The following MTMR3 variants were observed in gnomAD, a reference collection of about 807,000 sequenced individuals.
The protein encoded by MTMR3 is myotubularin related protein 3, also known as phosphatidylinositol-3,5-bisphosphate 3-phosphatase MTMR3.
MTMR3 carries 32 observed loss-of-function variants against 132.4 expected under a neutral mutation model. The observed-to-expected ratio is 0.24, with a 90% CI of 0.18 to 0.32. MTMR3 has a LOEUF of 0.32. Ranked by LOEUF, MTMR3 falls within the 10% of genes least tolerant of loss-of-function variation. The pLI, the probability that MTMR3 is intolerant of heterozygous loss-of-function variation, is 1.00. For missense variants in MTMR3, 1,216 were observed against 1,489.6 expected (o/e 0.82, Z 3.02); for synonymous variants, 556 against 550.3 (o/e 1.01, Z -0.14).
chr22:29,922,891 T>G (rs559667724), intron 1 of MTMR3, among the ~76,000 whole-genome samples: 9 of 121,306 alleles, frequency 7.4e-5, no homozygotes, highest in African/African-American at 4.3e-4. Flanking sequence ...GTGACTAGTG[T>G]TTTTTTTTTT....
intron 2 of MTMR3, among the ~76,000 whole-genome samples, chr22:29,970,118 C>G (rs1245152656): frequency 6.6e-6 from 1 of 152,082 alleles, no homozygotes; most frequent in Non-Finnish European, 1.5e-5. Flanking sequence ...ATTCTTTCCC[C>G]CTTTTTTGTT....
chr22:29,920,956 A>C (rs956578694), intron 1 of MTMR3, among the ~76,000 whole-genome samples: 2 of 113,672 alleles, frequency 1.8e-5, no homozygotes, highest in African/African-American at 3.3e-5. Flanking sequence ...TATGACAAAA[A>C]TGCCAGGTTT....
intron 2 of MTMR3, among the ~76,000 whole-genome samples, chr22:29,964,919 C>T (rs1413723653): frequency 6.6e-6 from 1 of 152,116 alleles, no homozygotes; most frequent in East Asian, 1.9e-4. Context: ...ACTCTTCTTT[C>T]TGATTCGGTA....
In MTMR3 at chr22:30,016,657, A is replaced by G. The variant is rs1343414314; in HGVS notation, c.1633A>G (p.Lys545Glu). 3 of 1,614,168 alleles carry G rather than the reference A, an allele frequency of 1.9e-6. No individual in the cohort carries two copies. The highest frequency in any genetic ancestry group is 2.5e-6 in the Non-Finnish European group (3 of 1,180,000). ...GTGGTCACTTCTTCGGGCAGGCAACAAGGCTTTCAAAAACCTACTGTATTC... is the reference window on the plus strand; with the variant it reads ...GTGGTCACTTCTTCGGGCAGGCAACGAGGCTTTCAAAAACCTACTGTATTC... Reference protein sequence around the residue: ...SVWSLLRAGNKAFKNLLYSSQ... With the variant: ...SVWSLLRAGNEAFKNLLYSSQ... Residue 545 changes from lysine (K) to glutamate (E), a missense_variant, in exon 15 of 20, where the codon AAG becomes GAG. Coordinates refer to ENST00000401950, the MANE Select transcript of MTMR3 (RefSeq NM_021090.4).
chr22:29,899,869 A>G (rs1330861423), intron 1 of MTMR3, among the ~76,000 whole-genome samples: 2 of 152,218 alleles, frequency 1.3e-5, no homozygotes, highest in Non-Finnish European at 2.9e-5. Flanking sequence ...ATCATCGAGT[A>G]GTAGACTTAG....
Position 30,018,064 on chromosome 22 carries a change from C to G in MTMR3, c.1812C>G (p.Pro604=), listed in dbSNP as rs146606152. 25 of 1,607,714 alleles carry G rather than the reference C, an allele frequency of 1.6e-5. No homozygotes were observed. The highest frequency in any genetic ancestry group is 1.2e-4 in the Admixed American group (7 of 57,850). Residue 604 remains proline (P), a synonymous_variant, in exon 16 of 20, where the codon CCC becomes CCG. Coordinates refer to ENST00000401950, the MANE Select transcript of MTMR3 (RefSeq NM_021090.4). ...PAPGTSPDDP[P]LSRLPKTRSY... Reference sequence around the variant, plus strand: ...CAGGCACCAGCCCTGATGATCCCCCCCTGAGCCGGTGAGCCCAGGGTGATG... The same window carrying G: ...CAGGCACCAGCCCTGATGATCCCCCGCTGAGCCGGTGAGCCCAGGGTGATG...
At chr22:29,954,577 A>C (rs1206965968) in intron 1 of MTMR3, among the ~76,000 whole-genome samples, 2 of 152,220 alleles carry the variant, frequency 1.3e-5, no homozygotes, top group Non-Finnish European at 1.5e-5. Context: ...CGTTTGGTCC[A>C]TCTCTTGGAA....
intron 1 of MTMR3, among the ~76,000 whole-genome samples, chr22:29,926,169 A>G (rs1238228951): frequency 6.6e-6 from 1 of 152,018 alleles, no homozygotes; most frequent in East Asian, 1.9e-4. Flanking sequence ...GGCTGCTTTC[A>G]TTTAGCATGA....
At chr22:30,023,645 G>A (rs1207234857) in intron 19 of MTMR3, 1 of 821,766 alleles carries the variant, frequency 1.2e-6, no homozygotes, top group Admixed American at 2.0e-5. Context: ...AGCAGCTGAG[G>A]AGAGGCCATC....
At chr22:30,022,378 TCA>T (rs2067784218) in intron 18 of MTMR3, 6 of 607,630 alleles carry the variant, frequency 9.9e-6, no homozygotes, top group Non-Finnish European at 1.8e-5. Context: ...TTGCCAGCTC[TCA>T]CAGTGACCCA....
At chr22:29,968,053 T>C (rs2066464377) in intron 2 of MTMR3, among the ~76,000 whole-genome samples, 3 of 152,208 alleles carry the variant, frequency 2.0e-5, no homozygotes, top group African/African-American at 4.8e-5. Context: ...GTTACGAAAA[T>C]TTGTGTAGAA....
rs578137619 is a variant in MTMR3, at chr22:30,020,929, C to A, written c.3225+45C>A. ...CCTCCATAGCTGCCCAAGGAGACGG[C>A]ATGCTGAGGCTGGGTGCCCTTTGTG... On this transcript the variant is annotated intron_variant, in intron 17 of 19. Transcript: ENST00000401950. 1.6e-5 allele frequency: 24 copies of A among 1,510,230 alleles called. No individual in the cohort carries two copies. In the South Asian group the frequency reaches 2.4e-4, roughly 15 times the overall value. 93.6% of individuals were successfully genotyped at this position (1,510,230 alleles called of 1,614,324 possible). A position where few individuals can be genotyped will look rare whatever the true frequency, so the allele number is the denominator to read the frequency against.
chr22:30,021,991 C>A (rs758734538), intron 17 of MTMR3, 38 bp from the exon 18 acceptor site: 1 of 1,517,094 alleles, frequency 6.6e-7, no homozygotes, highest in South Asian at 1.1e-5. Flanking sequence ...GGGAGGAGAC[C>A]AGGTTCATTC....
chr22:29,948,317 G>C (rs1399270062), intron 1 of MTMR3, among the ~76,000 whole-genome samples: 2 of 152,202 alleles, frequency 1.3e-5, no homozygotes, highest in Non-Finnish European at 2.9e-5. Context: ...GCATAAAACT[G>C]TGTGGCAGGC....
rs12537 is a variant in MTMR3, at chr22:30,027,471, C to T, written c.*1670C>T. The stretch of plus-strand genomic sequence containing the variant: ...ACTTCCAGTGGCAACACAGTTTGAA[C>T]GTGGTGAAACAGGGTGTAGTTCTTT... On this transcript the variant is annotated 3_prime_UTR_variant, in exon 20 of 20. Coordinates refer to ENST00000401950, the MANE Select transcript of MTMR3 (RefSeq NM_021090.4). 61,228 of 152,638 alleles carry T rather than the reference C, an allele frequency of 0.4. 12,551 individuals are homozygous for T. The highest frequency in any genetic ancestry group is 0.46 in the Admixed American group (7,083 of 15,282). The allele number at this position is 152,638 out of a possible 1,614,324, so 9.5% of individuals were successfully genotyped here.
intron 12 of MTMR3, chr22:30,012,109 G>A: frequency 2.8e-6 from 1 of 355,088 alleles, no homozygotes; most frequent in South Asian, 4.7e-5. Context: ...TTTGCCCGGG[G>A]AATCATCCAT....
chr22:29,952,408 G>GTT (rs774402274), intron 1 of MTMR3, among the ~76,000 whole-genome samples: 1 of 119,792 alleles, frequency 8.3e-6, no homozygotes, highest in Admixed American at 7.8e-5. Context: ...GTGTGTGTGT[G>GTT]TGTTTTTTTT....
intron 1 of MTMR3, among the ~76,000 whole-genome samples, chr22:29,916,924 C>T (rs1352818309): frequency 6.6e-6 from 1 of 152,184 alleles, no homozygotes; most frequent in Non-Finnish European, 1.5e-5. Context: ...TGATTGCCAA[C>T]ACTATCTCAC....
intron 9 of MTMR3, chr22:30,004,070 C>T (rs1440716843): frequency 6.6e-6 from 1 of 151,446 alleles, no homozygotes; most frequent in Non-Finnish European, 1.5e-5. Context: ...CTGATGCCCA[C>T]TCTGAATGGA....
Sources: gnomAD v4.1 joint callset for allele counts (sites outside exome capture counted in the v4.1 genomes callset) on GRCh38, gnomAD v4.1.1 for gene constraint, MANE v1.5 for transcripts, NCBI Gene and HGNC (gene_info 2026-07-23, HGNC 2026-07-21) for gene names.